IFT140: variants seen among roughly 807,000 people sequenced by gnomAD.
IFT140 encodes intraflagellar transport protein 140 homolog.
In IFT140, 133 loss-of-function variants were observed where a neutral mutation model predicts 164.6. The ratio of observed to expected loss-of-function variants is 0.81; its 90% confidence interval spans 0.70 to 0.93. The LOEUF is 0.93. IFT140 is among the 40% of genes least tolerant of loss of function. The pLI is 0.00. For missense variants in IFT140, 2,045 were observed against 1,972.3 expected (o/e 1.04, Z -0.70); for synonymous variants, 860 against 817.3 (o/e 1.05, Z -0.89).
At chr16:1,552,340 C>G (rs772241892) in intron 19 of IFT140, among the ~76,000 whole-genome samples, 14 of 152,082 alleles carry the variant, frequency 9.2e-5, no homozygotes, top group Non-Finnish European at 1.8e-4. Context: ...AAGAGCGCCC[C>G]ACCCCTCCCG....
At chr16:1,520,573 G>A in intron 27 of IFT140, 29 bp downstream of exon 27, 2 of 1,541,970 alleles carry the variant, frequency 1.3e-6, no homozygotes, top group Non-Finnish European at 8.8e-7. Context: ...CTGTGAGGTA[G>A]CCGCGGGCTG....
At chr16:1,520,906 G>A in intron 26 of IFT140, 98 bp from the exon 27 acceptor site, 2 of 1,150,456 alleles carry the variant, frequency 1.7e-6, no homozygotes, top group Non-Finnish European at 2.4e-6. Flanking sequence ...AGGCCCCTCG[G>A]CTCAGCGGCG....
chr16:1,540,419 C>T (rs952408821), intron 19 of IFT140, among the ~76,000 whole-genome samples: 23 of 152,366 alleles, frequency 1.5e-4, no homozygotes, highest in African/African-American at 5.3e-4. Flanking sequence ...GTGCCTGCCC[C>T]GTGCACGCGT....
intron 19 of IFT140, chr16:1,554,742 C>G (rs2032950219): frequency 6.2e-7 from 1 of 1,606,904 alleles, no homozygotes; most frequent in Admixed American, 1.7e-5. Context: ...AACCCGCCTT[C>G]CTCTCAGACA....
In IFT140 at chr16:1,551,827, C is replaced by T. The variant is rs2032665736; in HGVS notation, c.2399+6108G>A. On this transcript the variant is annotated intron_variant, in intron 19 of 30. Coordinates refer to ENST00000426508, the MANE Select transcript of IFT140 (RefSeq NM_014714.4). This position sits in a 1 kb window ranked among gnomAD's most constrained non-coding sequence, Gnocchi z 4.0. ...GGGACCTCCCACCCGGGCTGGTTGC[C>T]CTGTGTTGCCTTAGAGTTTTCTTCC... 6.6e-6 allele frequency among the ~76,000 whole-genome samples: 1 copy of T among 152,142 alleles called. No homozygotes were observed. Among genetic ancestry groups the T allele is most frequent in the South Asian group, 2.1e-4 (1 of 4,834 alleles).
chr16:1,534,006 C>T, intron 19 of IFT140: 5 of 496,002 alleles, frequency 1.0e-5, no homozygotes, highest in Non-Finnish European at 7.0e-6. Flanking sequence ...GCCCTGGGTT[C>T]TTGCTGCTGC....
At chr16:1,513,520 G>C (rs1386527308) in intron 30 of IFT140, among the ~76,000 whole-genome samples, 1 of 151,860 alleles carries the variant, frequency 6.6e-6, no homozygotes, top group African/African-American at 2.4e-5. Context: ...AGAATGAGAA[G>C]AGAGGCTTCT....
chr16:1,571,317 C>A, intron 14 of IFT140, 90 bp downstream of exon 14: 1 of 1,297,546 alleles, frequency 7.7e-7, no homozygotes. Flanking sequence ...CCTAAGGAGT[C>A]TTCTGGCTTC....
intron 18 of IFT140, among the ~76,000 whole-genome samples, chr16:1,559,754 G>C (rs571096605): frequency 6.6e-6 from 1 of 152,338 alleles, no homozygotes; most frequent in East Asian, 1.9e-4. Flanking sequence ...GCTTCCAATA[G>C]ACCTCGGTAA....
In IFT140 at chr16:1,519,912, C is replaced by T. The variant is rs762750524; in HGVS notation, c.4009G>A (p.Ala1337Thr). Residue 1337 changes from alanine (A) to threonine (T), a missense_variant, in exon 29 of 31, where the codon GCA becomes ACA. Ala to Thr is a moderately conservative substitution (Grantham distance 58). Coordinates refer to ENST00000426508, the MANE Select transcript of IFT140 (RefSeq NM_014714.4). ...GCCTGGATGAACCTCTTCACCAGTG[C>T]CATCCTGCTCTGCAGCTGCGCCAGC... is the stretch of plus-strand genomic sequence containing the variant. ...TRLAQLQSRM[A>T]LVKRFIQARR... is the part of the protein sequence containing the mutation. 9 of 1,582,790 alleles carry T rather than the reference C, an allele frequency of 5.7e-6. No individual in the cohort carries two copies. The highest frequency in any genetic ancestry group is 1.9e-5 in the Admixed American group (1 of 53,866).
chr16:1,561,884 G>A (rs1381340450), intron 18 of IFT140, 101 bp downstream of exon 18: 6 of 1,231,496 alleles, frequency 4.9e-6, no homozygotes, highest in Middle Eastern at 2.9e-4. Flanking sequence ...GCAGAGCCAC[G>A]AGGGCTAACT....
At chr16:1,548,908 A>C (rs767420848) in intron 19 of IFT140, among the ~76,000 whole-genome samples, 12 of 152,238 alleles carry the variant, frequency 7.9e-5, no homozygotes, top group Non-Finnish European at 1.0e-4. Context: ...TACTGCTGAC[A>C]GGTGGAACAC....
In IFT140 at chr16:1,610,832, T is replaced by A. The variant is rs887641016; in HGVS notation, c.-200A>T. On this transcript the variant is annotated 5_prime_UTR_variant, in exon 2 of 31. Transcript: ENST00000426508. ...CACGTGCAGCTCCGAGGCCCGAGCG[T>A]CGGGGGCCAGGTTATTCCGCTCTGC... 2.2e-4 allele frequency: 34 copies of A among 153,414 alleles called. No individual in the cohort carries two copies. Among genetic ancestry groups the A allele is most frequent in the Non-Finnish European group, 2.9e-5 (2 of 68,196 alleles). 9.5% of individuals were successfully genotyped at this position (153,414 alleles called of 1,614,324 possible). A position where few individuals can be genotyped will look rare whatever the true frequency, so the allele number is the denominator to read the frequency against.
chr16:1,586,710 C>G (rs768221300), intron 9 of IFT140, among the ~76,000 whole-genome samples: 1 of 152,188 alleles, frequency 6.6e-6, no homozygotes, highest in Non-Finnish European at 1.5e-5. Context: ...GAGCAGGAAT[C>G]GGTTTGCTTC....
chr16:1,563,963 G>A (rs1354030398), intron 17 of IFT140, 34 bp downstream of exon 17: 1 of 1,518,174 alleles, frequency 6.6e-7, no homozygotes, highest in South Asian at 1.3e-5. Flanking sequence ...GCCACTGAGT[G>A]TGTCTAAACT....
intron 19 of IFT140, among the ~76,000 whole-genome samples, chr16:1,539,930 G>A (rs1283380459): frequency 3.9e-5 from 6 of 152,210 alleles, no homozygotes; most frequent in Non-Finnish European, 8.8e-5. Flanking sequence ...GGAGGTCTCA[G>A]GGCTGGGGGC....
Position 1,524,788 on chromosome 16 carries a change from TG to T in IFT140, c.2992del (p.Gln998ArgfsTer6), listed in dbSNP as rs745980432. On this transcript the variant is annotated frameshift_variant, in exon 23 of 31. Coordinates refer to ENST00000426508, the MANE Select transcript of IFT140 (RefSeq NM_014714.4). LOFTEE classifies it high-confidence loss of function. ...VRIHCFQGNV[Q>X]KAAQIANETG... ...GCTCCCCTGCGGGGACCTTACCTTC[TG>T]GACATTGCCCTGGAAGCAGTGGATG... The T allele has an allele frequency of 1.2e-6, 2 of 1,606,688 alleles. No individual in the cohort carries two copies. Among genetic ancestry groups the T allele is most frequent in the South Asian group, 2.2e-5 (2 of 90,926 alleles).
At chr16:1,516,139 C>CAAAAAAAAAAAAAAAAAAA (rs869165237) in intron 30 of IFT140, among the ~76,000 whole-genome samples, 4 of 46,024 alleles carry the variant, frequency 8.7e-5, no homozygotes, top group East Asian at 6.3e-4. Flanking sequence ...AACTCTGTCT[C>CAAAAAAAAAAAAAAAAAAA]AAAAAAAAAA....
chr16:1,575,852 C>T (rs555003238), intron 13 of IFT140, among the ~76,000 whole-genome samples: 1 of 152,188 alleles, frequency 6.6e-6, no homozygotes, highest in African/African-American at 2.4e-5. Flanking sequence ...CCTTTCCCAT[C>T]ATGCCACTGG....
Sources: allele counts gnomAD v4.1 joint callset (sites outside exome capture counted in the v4.1 genomes callset), GRCh38; gene constraint gnomAD v4.1.1; non-coding constraint Gnocchi (gnomAD v3.1); transcripts MANE v1.5; gene names NCBI Gene and HGNC (gene_info 2026-07-23, HGNC 2026-07-21).